MAP3K1: variants seen among roughly 807,000 people sequenced by gnomAD.
MAP3K1 encodes the protein MAP/ERK kinase kinase 1.
Under a neutral mutation model 144.2 loss-of-function variants are expected in MAP3K1, and 36 were observed. The ratio of observed to expected loss-of-function variants is 0.25; its 90% confidence interval spans 0.19 to 0.33. MAP3K1 has a LOEUF of 0.33. Ranked by LOEUF, MAP3K1 falls within the 10% of genes least tolerant of loss-of-function variation. The pLI is 1.00. For missense variants in MAP3K1, 1,650 were observed against 1,881.9 expected (o/e 0.88, Z 2.28); for synonymous variants, 718 against 688.7 (o/e 1.04, Z -0.67).
chr5:56,871,895 T>C lies in MAP3K1; in HGVS notation c.1302-15T>C. 1 of 1,613,166 alleles carries C rather than the reference T, an allele frequency of 6.2e-7. No individual in the cohort carries two copies. The highest frequency in any genetic ancestry group is 8.5e-7 in the Non-Finnish European group (1 of 1,179,188). On this transcript the variant is annotated splice_polypyrimidine_tract_variant and intron_variant, in intron 6 of 19. Coordinates refer to ENST00000399503, the MANE Select transcript of MAP3K1 (RefSeq NM_005921.2). ...TTCTTTTATGCTTAATACTTTTTCT[T>C]CCCCTTTTCTATAGCATAAAGGATG...
chr5:56,858,482 G>A (rs1000578920), intron 2 of MAP3K1, among the ~76,000 whole-genome samples: 1 of 152,168 alleles, frequency 6.6e-6, no homozygotes, highest in Non-Finnish European at 1.5e-5. Flanking sequence ...GCTTAATTAT[G>A]CCACCCTACA....
rs770148457 is a variant in MAP3K1, at chr5:56,872,912, A to G, written c.1593A>G (p.Ser531=). 2 of 1,614,156 alleles carry G rather than the reference A, an allele frequency of 1.2e-6. No individual in the cohort carries two copies. The highest frequency in any genetic ancestry group is 2.2e-5 in the South Asian group (2 of 91,082). ...TACAGCAGCAGCCTTTGGCTGGATCACGAAGGAATCAAGAGAGCAATTTTA... is the reference window on the plus strand; with the variant it reads ...TACAGCAGCAGCCTTTGGCTGGATCGCGAAGGAATCAAGAGAGCAATTTTA... ...QTVQQQPLAG[S]RRNQESNFNL... The change falls in exon 9 of 20, where the codon TCA becomes TCG. Residue 531 remains serine, a synonymous_variant. Transcript: ENST00000399503.
intron 1 of MAP3K1, among the ~76,000 whole-genome samples, chr5:56,854,888 C>G (rs1282467882): frequency 6.6e-6 from 1 of 152,118 alleles, no homozygotes; most frequent in Non-Finnish European, 1.5e-5. Context: ...TTTTTTGGAA[C>G]TAGCCTGGGA....
chr5:56,851,698 G>A (rs1262551052), intron 1 of MAP3K1, among the ~76,000 whole-genome samples: 2 of 152,178 alleles, frequency 1.3e-5, no homozygotes, highest in Admixed American at 6.5e-5. Flanking sequence ...TGACTCAGGC[G>A]TACAATACCG....
intron 1 of MAP3K1, among the ~76,000 whole-genome samples, chr5:56,834,149 G>T (rs1385780025): frequency 6.6e-6 from 1 of 151,722 alleles, no homozygotes; most frequent in East Asian, 1.9e-4. Flanking sequence ...GTAGTAGTTT[G>T]CTGGCCCATA....
At chr5:56,831,790 A>G (rs1001550818) in intron 1 of MAP3K1, among the ~76,000 whole-genome samples, 3 of 152,214 alleles carry the variant, frequency 2.0e-5, no homozygotes, top group Non-Finnish European at 4.4e-5. Flanking sequence ...TATAGATAAT[A>G]CTTTGAAAAC....
chr5:56,862,650 T>C (rs941339582), intron 3 of MAP3K1, among the ~76,000 whole-genome samples: 4 of 152,236 alleles, frequency 2.6e-5, no homozygotes, highest in Non-Finnish European at 4.4e-5. Context: ...AAAACAGTGC[T>C]TCAAAAGTAT....
intron 6 of MAP3K1, among the ~76,000 whole-genome samples, chr5:56,867,008 T>C (rs1278600060): frequency 2.0e-5 from 3 of 152,082 alleles, no homozygotes; most frequent in Non-Finnish European, 4.4e-5. Flanking sequence ...CCTCATCTCT[T>C]CTAAATAAAA....
intron 1 of MAP3K1, among the ~76,000 whole-genome samples, chr5:56,835,768 A>G (rs917640148): frequency 2.6e-5 from 4 of 151,888 alleles, no homozygotes; most frequent in African/African-American, 4.8e-5. Flanking sequence ...GAGAGGAAAA[A>G]GTTTTATTTG....
In MAP3K1 at chr5:56,849,724, T is replaced by C. The variant is rs180794846; in HGVS notation, c.483-6876T>C. 2.1e-3 allele frequency among the ~76,000 whole-genome samples: 326 copies of C among 151,702 alleles called. 2 individuals are homozygous for C. Among genetic ancestry groups the C allele is most frequent in the African/African-American group, 6.7e-3 (280 of 41,512 alleles). ...CTGGAGAAACTATCTTACTGGAAAATAGAATTGTCCTAGTATTGAGATAAA... is the reference window on the plus strand; with the variant it reads ...CTGGAGAAACTATCTTACTGGAAAACAGAATTGTCCTAGTATTGAGATAAA... On this transcript the variant is annotated intron_variant, in intron 1 of 19. Coordinates refer to ENST00000399503, the MANE Select transcript of MAP3K1 (RefSeq NM_005921.2).
intron 1 of MAP3K1, 77 bp downstream of exon 1, chr5:56,816,132 C>T (rs1216091088): frequency 2.6e-6 from 3 of 1,154,770 alleles, no homozygotes; most frequent in Non-Finnish European, 3.2e-6. Flanking sequence ...GGGCACCATG[C>T]ACGGCGTCCC....
chr5:56,860,487 A>G (rs1747474123), intron 3 of MAP3K1, among the ~76,000 whole-genome samples: 1 of 152,180 alleles, frequency 6.6e-6, no homozygotes, highest in African/African-American at 2.4e-5. Flanking sequence ...CCAACAAACT[A>G]TGATTATTTA....
chr5:56,871,221 A>G (rs948650975), intron 6 of MAP3K1, among the ~76,000 whole-genome samples: 10 of 152,262 alleles, frequency 6.6e-5, no homozygotes, highest in African/African-American at 2.4e-4. Context: ...GTTCCTTTTT[A>G]AAGGCTTCAA....
chr5:56,819,212 G>A (rs1285380158), intron 1 of MAP3K1, among the ~76,000 whole-genome samples: 1 of 152,154 alleles, frequency 6.6e-6, no homozygotes, highest in African/African-American at 2.4e-5. Context: ...TTTGGCAAGA[G>A]TGACTGGTTA....
chr5:56,817,092 G>A, intron 1 of MAP3K1: 1 of 985,430 alleles, frequency 1.0e-6, no homozygotes, highest in Non-Finnish European at 1.2e-6. Flanking sequence ...GTCTTCTGGT[G>A]CATATGAAGT....
At chr5:56,892,014 G>A (rs1343657643) in intron 19 of MAP3K1, among the ~76,000 whole-genome samples, 1 of 152,180 alleles carries the variant, frequency 6.6e-6, no homozygotes, top group Non-Finnish European at 1.5e-5. Context: ...ACTTGGCAAT[G>A]TGGGCTCTTT....
At chr5:56,885,454 A>G (rs1748352540) in intron 16 of MAP3K1, among the ~76,000 whole-genome samples, 1 of 152,204 alleles carries the variant, frequency 6.6e-6, no homozygotes, top group Admixed American at 6.5e-5. Context: ...TAGGTTGACT[A>G]CTATAAACAC....
chr5:56,859,974 A>G (rs917786886), intron 3 of MAP3K1, 59 bp downstream of exon 3: 1 of 1,390,536 alleles, frequency 7.2e-7, no homozygotes, highest in Non-Finnish European at 1.0e-6. Flanking sequence ...CATTTATAAC[A>G]AAGAAAAGAC....
At chr5:56,892,486 A>G (rs1748578404) in intron 19 of MAP3K1, among the ~76,000 whole-genome samples, 1 of 152,244 alleles carries the variant, frequency 6.6e-6, no homozygotes, top group Admixed American at 6.5e-5. Flanking sequence ...AAAATTGATA[A>G]CAATTATATG....
Sources: gnomAD v4.1 joint callset for allele counts (sites outside exome capture counted in the v4.1 genomes callset) on GRCh38, gnomAD v4.1.1 for gene constraint, MANE v1.5 for transcripts, NCBI Gene and HGNC (gene_info 2026-07-23, HGNC 2026-07-21) for gene names.